NEBL: variants seen among roughly 807,000 people sequenced by gnomAD.
NEBL encodes the protein LIM and SH3 protein 2.
A neutral mutation model predicts 140.2 loss-of-function variants in NEBL; 122 were observed. The observed-to-expected ratio is 0.87, with a 90% CI of 0.75 to 1.01. NEBL has a LOEUF of 1.01. Ranked by LOEUF, NEBL falls within the 50% of genes least tolerant of loss-of-function variation. The pLI is 0.00. For missense variants in NEBL, 1,365 were observed against 1,231.3 expected (o/e 1.11, Z -1.62); for synonymous variants, 436 against 398.9 (o/e 1.09, Z -1.11).
At chr10:21,003,341 C>T (rs1837987633) in intron 3 of NEBL, among the ~76,000 whole-genome samples, 1 of 152,170 alleles carries the variant, frequency 6.6e-6, no homozygotes, top group South Asian at 2.1e-4. Context: ...CACTTTTTCT[C>T]ATGTCTTGTT....
At chr10:20,867,434 G>A (rs1844407395) in intron 7 of NEBL, among the ~76,000 whole-genome samples, 1 of 151,978 alleles carries the variant, frequency 6.6e-6, no homozygotes, top group South Asian at 2.1e-4. Context: ...TATTTTCAAA[G>A]TCAAAAAAAC....
intron 3 of NEBL, among the ~76,000 whole-genome samples, chr10:20,982,445 T>C (rs1284665334): frequency 6.6e-6 from 1 of 152,188 alleles, no homozygotes; most frequent in Non-Finnish European, 1.5e-5. Context: ...CTGGTGATAA[T>C]CATATTTAAA....
intron 4 of NEBL, among the ~76,000 whole-genome samples, chr10:20,904,742 G>A (rs368929846): frequency 6.6e-6 from 1 of 152,240 alleles, no homozygotes; most frequent in East Asian, 1.9e-4. Flanking sequence ...AGCATAAAAG[G>A]CTTCAGTAAA....
intron 3 of NEBL, among the ~76,000 whole-genome samples, chr10:20,994,497 T>A (rs1837587432): frequency 6.6e-6 from 1 of 152,126 alleles, no homozygotes; most frequent in Non-Finnish European, 1.5e-5. Context: ...GCATTCAAAA[T>A]CCAGACTCAA....
intron 1 of NEBL, among the ~76,000 whole-genome samples, chr10:21,276,868 C>T (rs534517331): frequency 6.6e-6 from 1 of 152,200 alleles, no homozygotes; most frequent in South Asian, 2.1e-4. Context: ...ACTTGTGAAG[C>T]TGAGGCATGA....
At chr10:20,817,480 A>G in intron 21 of NEBL, 120 bp downstream of exon 21, 1 of 872,270 alleles carries the variant, frequency 1.1e-6, no homozygotes, top group Non-Finnish European at 1.9e-6. Context: ...ATAAGTTGTT[A>G]GTCAAATGAG....
intron 10 of NEBL, among the ~76,000 whole-genome samples, chr10:20,850,802 T>A (rs1588796751): frequency 1.3e-5 from 2 of 152,200 alleles, no homozygotes; most frequent in Non-Finnish European, 2.9e-5. Context: ...ATATATGGGG[T>A]TATACATGTA....
chr10:20,822,835 T>C (rs919658968), intron 19 of NEBL, among the ~76,000 whole-genome samples: 2 of 152,186 alleles, frequency 1.3e-5, no homozygotes, highest in African/African-American at 2.4e-5. Context: ...TTGTGTTACA[T>C]AGACATATTG....
In NEBL at chr10:20,835,576, C is replaced by T; in HGVS notation, c.1386G>A (p.Met462Ile). Residue 462 changes from methionine to isoleucine, a missense_variant, in exon 14 of 28, where the codon ATG (methionine) becomes ATA (isoleucine). Transcript: ENST00000377122. ...DLESIIKGKG[M>I]QAGTDTLEMQ... ...TTTCAAGGGTGTCAGTGCCAGCTTG[C>T]ATTCCTTTCCCTTTAATTATTGACT... 6.2e-7 allele frequency: 1 copy of T among 1,612,662 alleles called. No individual in the cohort carries two copies. The highest frequency in any genetic ancestry group is 8.5e-7 in the Non-Finnish European group (1 of 1,179,836).
At chr10:21,283,290 T>A (rs569388969) in intron 1 of NEBL, among the ~76,000 whole-genome samples, 1 of 152,300 alleles carries the variant, frequency 6.6e-6, no homozygotes, top group South Asian at 2.1e-4. Context: ...AACAGGAAGT[T>A]ACCCTATATG....
intron 2 of NEBL, among the ~76,000 whole-genome samples, chr10:21,140,536 A>T (rs1839582429): frequency 6.6e-6 from 1 of 152,220 alleles, no homozygotes; most frequent in Non-Finnish European, 1.5e-5. Context: ...TAGTCTGTCC[A>T]GCCTGAGTTT....
intron 3 of NEBL, among the ~76,000 whole-genome samples, chr10:21,009,283 A>C (rs1352857475): frequency 6.6e-6 from 1 of 152,212 alleles, no homozygotes; most frequent in Non-Finnish European, 1.5e-5. Context: ...GAATTGGTAT[A>C]TTTAGTTGTG....
chr10:21,048,581 C>T (rs1834626152), intron 2 of NEBL, among the ~76,000 whole-genome samples: 1 of 151,346 alleles, frequency 6.6e-6, no homozygotes, highest in South Asian at 2.1e-4. Flanking sequence ...GAAACAGAAT[C>T]AATAAGAGGG....
At chr10:21,179,309 A>G (rs1025126955), upstream of NEBL, among the ~76,000 whole-genome samples, 2 of 152,156 alleles carry the variant, frequency 1.3e-5, no homozygotes, top group Non-Finnish European at 2.9e-5. Context: ...CATAGATAAC[A>G]ACTTGGACAT....
intron 26 of NEBL, among the ~76,000 whole-genome samples, chr10:20,807,167 A>C (rs111265878): frequency 2.6e-5 from 4 of 152,236 alleles, no homozygotes; most frequent in African/African-American, 9.6e-5. Flanking sequence ...CTCTATAAAA[A>C]ATACAAAAAT....
chr10:20,823,599 T>G (rs1255745565), intron 18 of NEBL, among the ~76,000 whole-genome samples: 2 of 152,102 alleles, frequency 1.3e-5, no homozygotes, highest in Non-Finnish European at 2.9e-5. Flanking sequence ...AAAAAAACCT[T>G]GTACATTATC....
intron 26 of NEBL, among the ~76,000 whole-genome samples, chr10:20,795,985 C>T (rs562085091): frequency 3.5e-4 from 53 of 152,206 alleles, no homozygotes; most frequent in Non-Finnish European, 7.1e-4. Context: ...CAAAAGGAAA[C>T]ATACATACTT....
intron 17 of NEBL, 127 bp from the exon 18 acceptor site, chr10:20,826,666 G>A: frequency 1.4e-6 from 1 of 740,682 alleles, no homozygotes; most frequent in South Asian, 1.6e-5. Flanking sequence ...ATGAGTGCCG[G>A]AATTATAGGA....
chr10:20,856,087 G>A (rs1204077766), intron 9 of NEBL, among the ~76,000 whole-genome samples: 2 of 152,058 alleles, frequency 1.3e-5, no homozygotes, highest in African/African-American at 4.8e-5. Context: ...CACTTCAAAA[G>A]GAACACATTT....
Sources: gnomAD v4.1 joint callset for allele counts (sites outside exome capture counted in the v4.1 genomes callset) on GRCh38, gnomAD v4.1.1 for gene constraint, MANE v1.5 for transcripts, NCBI Gene and HGNC (gene_info 2026-07-23, HGNC 2026-07-21) for gene names.